STS: variants seen among roughly 807,000 people sequenced by gnomAD.
STS encodes the protein steryl-sulfatase.
STS carries 7 observed loss-of-function variants against 26.8 expected under a neutral mutation model. The observed-to-expected ratio is 0.26, with a 90% CI of 0.15 to 0.49. The LOEUF (loss-of-function observed/expected upper bound fraction) is 0.49. Among genes scored for constraint, STS ranks in the 20% least tolerant of loss-of-function variants. The pLI is 0.98. For synonymous variants in STS, 199 were observed against 189.4 expected, an observed-to-expected ratio of 1.05 and a Z score of -0.42; for missense variants, 434 against 465.6, an observed-to-expected ratio of 0.93 and a Z score of 0.63.
At chrX:7,301,323 T>C (rs751897056) in intron 7 of STS, among the ~76,000 whole-genome samples, 84 of 109,807 alleles carry the variant, frequency 7.6e-4, no homozygotes, top group Non-Finnish European at 1.4e-3. Context: ...GCCCAAGAAG[T>C]AGAGGTTGCA....
At chrX:7,213,472 C>G (rs780444271) in intron 2 of STS, among the ~76,000 whole-genome samples, 7 of 111,073 alleles carry the variant, frequency 6.3e-5, no homozygotes, top group African/African-American at 2.3e-4. Flanking sequence ...GAAAGGCAGG[C>G]AGGAGGGCAG....
At chrX:7,199,311 G>C (rs1314453021) in intron 2 of STS, among the ~76,000 whole-genome samples, 1 of 111,512 alleles carries the variant, frequency 9.0e-6, no homozygotes, top group Admixed American at 9.6e-5. Flanking sequence ...TTATAATTTA[G>C]GGTCACAGCC....
chrX:7,230,721 T>C (rs12559355), intron 2 of STS, among the ~76,000 whole-genome samples: 29,095 of 110,064 alleles, frequency 0.26, 2,992 homozygotes, highest in Admixed American at 0.42. Context: ...TGAGATCTCA[T>C]GAGAGCTCAC....
In STS at chrX:7,349,315, CCT is replaced by C. The variant is rs1928671309; in HGVS notation, c.1364-572_1364-571del. On this transcript the variant is annotated intron_variant, in intron 10 of 10. Coordinates refer to ENST00000674429, the MANE Select transcript of STS (RefSeq NM_001320752.2). ...CGCTGCACTCGGCCCTCATTTAATTCCTTTTTTTTTTTTTTTTTTTTTTTTTT... is the reference window on the plus strand; with the variant it reads ...CGCTGCACTCGGCCCTCATTTAATTCTTTTTTTTTTTTTTTTTTTTTTTTT... 4.9e-4 allele frequency among the ~76,000 whole-genome samples: 10 copies of C among 20,287 alleles called. 3 individuals carry two copies. The highest frequency in any genetic ancestry group is 3.6e-3 in the East Asian group (2 of 561). The allele number at this position is 20,287 out of a possible 115,157, so 17.6% of individuals were successfully genotyped here. A position where few individuals can be genotyped will look rare whatever the true frequency, so the allele number is the denominator to read the frequency against.
chrX:7,251,994 T>C (rs1319949322), intron 2 of STS, among the ~76,000 whole-genome samples: 1 of 110,566 alleles, frequency 9.0e-6, no homozygotes, highest in Non-Finnish European at 1.9e-5. Flanking sequence ...AATTACTTAA[T>C]AGAACAAAGA....
At chrX:7,150,200 A>T (rs1415366210) in intron 1 of STS, among the ~76,000 whole-genome samples, 16 of 111,818 alleles carry the variant, frequency 1.4e-4, no homozygotes. Flanking sequence ...TAGTCATTAA[A>T]TTAAAAAAGA....
chrX:7,190,357 G>A (rs1010755577), intron 1 of STS, among the ~76,000 whole-genome samples: 16 of 111,081 alleles, frequency 1.4e-4, no homozygotes, highest in African/African-American at 3.9e-4. Flanking sequence ...AGGAGGTGGC[G>A]CTCAGGCAGT....
chrX:7,323,620 C>T (rs931473107), intron 8 of STS, among the ~76,000 whole-genome samples: 1 of 111,810 alleles, frequency 8.9e-6, no homozygotes, highest in Non-Finnish European at 1.9e-5. Context: ...TATCCAATCC[C>T]TGTCGATGGG....
rs1227194438 is a variant in STS at position 7,353,082 on chromosome X, C to T, written c.*2821C>T. The T allele has an allele frequency of 1.8e-5, 2 of 111,860 alleles. No homozygotes were observed. The highest frequency in any genetic ancestry group is 6.5e-5 in the African/African-American group (2 of 30,773). 9.2% of individuals were successfully genotyped at this position (111,860 alleles called of 1,213,427 possible). A position where few individuals can be genotyped will look rare whatever the true frequency, so the allele number is the denominator to read the frequency against. On this transcript the variant is annotated 3_prime_UTR_variant, in exon 11 of 11. Transcript: ENST00000674429. ...CAATTAAAAATGCTGTGCGCTAATA[C>T]CCTGCTTTCTATCGTGACTCAATTC...
intron 1 of STS, among the ~76,000 whole-genome samples, chrX:7,151,633 A>T (rs1013319327): frequency 8.9e-6 from 1 of 112,295 alleles, no homozygotes; most frequent in Non-Finnish European, 1.9e-5. Context: ...ACTCTCGGAC[A>T]TATCTGGTAT....
intron 10 of STS, among the ~76,000 whole-genome samples, chrX:7,339,833 A>G (rs1928199482): frequency 9.0e-6 from 1 of 111,681 alleles, no homozygotes; most frequent in African/African-American, 3.2e-5. Flanking sequence ...CCTATTAAAC[A>G]TATATTTTCT....
chrX:7,345,365 T>A (rs1400547074), intron 10 of STS, among the ~76,000 whole-genome samples: 1 of 111,673 alleles, frequency 9.0e-6, no homozygotes, highest in Non-Finnish European at 1.9e-5. Flanking sequence ...AGTGATGAAC[T>A]TCTTTTAATC....
At chrX:7,215,405 C>A (rs1408430261) in intron 2 of STS, among the ~76,000 whole-genome samples, 1 of 110,066 alleles carries the variant, frequency 9.1e-6, no homozygotes, top group East Asian at 2.9e-4. Context: ...AATGTGGGGA[C>A]CCTCTAAGCC....
intron 1 of STS, among the ~76,000 whole-genome samples, chrX:7,152,508 G>A (rs1402466159): frequency 2.7e-5 from 3 of 111,217 alleles, no homozygotes; most frequent in South Asian, 3.8e-4. Context: ...TAGTGGAGAC[G>A]GGGTTTCACC....
At chrX:7,255,864 A>G (rs1240557199) in intron 3 of STS, among the ~76,000 whole-genome samples, 1 of 112,233 alleles carries the variant, frequency 8.9e-6, no homozygotes, top group African/African-American at 3.2e-5. Context: ...TTCCCCCTTC[A>G]AGCTATGCAT....
chrX:7,305,544 C>T (rs1395959905), intron 8 of STS, among the ~76,000 whole-genome samples: 4 of 112,170 alleles, frequency 3.6e-5, no homozygotes. Context: ...TATGAACTTA[C>T]AGTTCTAGAA....
chrX:7,154,049 C>G (rs1933084534), intron 1 of STS, among the ~76,000 whole-genome samples: 1 of 110,962 alleles, frequency 9.0e-6, no homozygotes, highest in Non-Finnish European at 1.9e-5. Flanking sequence ...TCCCTCTCTC[C>G]AGGACCTGTG....
intron 1 of STS, among the ~76,000 whole-genome samples, chrX:7,166,520 A>C (rs1359006634): frequency 9.0e-6 from 1 of 111,686 alleles, no homozygotes; most frequent in African/African-American, 3.3e-5. Flanking sequence ...GGCAGACAGG[A>C]TCATATAAAA....
chrX:7,336,990 C>T (rs916251896), intron 10 of STS, among the ~76,000 whole-genome samples: 1 of 111,755 alleles, frequency 8.9e-6, no homozygotes, highest in Admixed American at 9.5e-5. Flanking sequence ...GCTTCTTAGA[C>T]TCTGAATGCA....
Sources: allele counts gnomAD v4.1 joint callset (sites outside exome capture counted in the v4.1 genomes callset), GRCh38; gene constraint gnomAD v4.1.1; transcripts MANE v1.5; gene names NCBI Gene and HGNC (gene_info 2026-07-23, HGNC 2026-07-21).